The following ERN1 variants were observed in gnomAD, a reference collection of about 807,000 sequenced individuals.
ERN1 encodes the protein serine/threonine-protein kinase/endoribonuclease IRE1.
Under a neutral mutation model 113.1 loss-of-function variants are expected in ERN1, and 39 were observed. The ratio of observed to expected loss-of-function variants is 0.34; its 90% CI spans 0.27 to 0.45. ERN1 has a LOEUF of 0.45. Among genes scored for constraint, ERN1 ranks in the 20% least tolerant of loss-of-function variants. The pLI, the probability that ERN1 is intolerant of heterozygous loss-of-function variation, is 1.00. For missense variants in ERN1, 976 were observed against 1,274.8 expected (o/e 0.77, Z 3.57); for synonymous variants, 507 against 515.9 (o/e 0.98, Z 0.23).
intron 8 of ERN1, among the ~76,000 whole-genome samples, chr17:64,066,061 G>A (rs1018034384): frequency 6.6e-6 from 1 of 152,086 alleles, no homozygotes; most frequent in African/African-American, 2.4e-5. Flanking sequence ...TATAAAGTAG[G>A]AAACTGAGGC....
intron 1 of ERN1, among the ~76,000 whole-genome samples, chr17:64,099,170 A>G (rs1374870151): frequency 6.6e-6 from 1 of 152,268 alleles, no homozygotes; most frequent in Non-Finnish European, 1.5e-5. Context: ...TATCATTAAA[A>G]TAACACTTGG....
chr17:64,047,867 C>A lies in ERN1; in HGVS notation c.2520G>T (p.Gln840His), dbSNP rs1350325876. 30 of 1,609,946 alleles carry A rather than the reference C, an allele frequency of 1.9e-5. No individual in the cohort carries two copies. Among genetic ancestry groups the A allele is most frequent in the Non-Finnish European group, 2.5e-5 (29 of 1,177,456 alleles). The change falls in exon 19 of 22, where the codon CAG (glutamine) becomes CAT (histidine). Residue 840 changes from glutamine (Q) to histidine (H), a missense_variant. Transcript: ENST00000433197. ...GAACAGACGTCTCTACCTGGAAGAA[C>A]TGGAGCTGCTTCTCTAGGCTCCAGA... ...PFFWSLEKQL[Q>H]FFQDVSDRIE...
intron 2 of ERN1, among the ~76,000 whole-genome samples, chr17:64,087,093 C>A (rs767367914): frequency 3.0e-4 from 45 of 152,112 alleles, no homozygotes; most frequent in Non-Finnish European, 5.0e-4. Flanking sequence ...ATGTTGATTC[C>A]TAGGTTCTTC....
intron 1 of ERN1, among the ~76,000 whole-genome samples, chr17:64,122,209 C>T (rs1247729213): frequency 6.6e-6 from 1 of 152,172 alleles, no homozygotes; most frequent in Non-Finnish European, 1.5e-5. Context: ...GACAGGTTAC[C>T]AGCCCTTGCT....
At chr17:64,079,981 T>A (rs955755185) in intron 3 of ERN1, among the ~76,000 whole-genome samples, 1 of 152,188 alleles carries the variant, frequency 6.6e-6, no homozygotes, top group African/African-American at 2.4e-5. Context: ...GGAAAAATCA[T>A]ACAAAACCAT....
chr17:64,086,798 C>T (rs1049624350), intron 2 of ERN1, among the ~76,000 whole-genome samples: 4 of 151,942 alleles, frequency 2.6e-5, no homozygotes, highest in Admixed American at 2.6e-4. Flanking sequence ...AGGCGTGTGC[C>T]ACCACACCCA....
At chr17:64,068,849 A>G (rs779735219) in intron 6 of ERN1, among the ~76,000 whole-genome samples, 4 of 152,180 alleles carry the variant, frequency 2.6e-5, no homozygotes, top group Middle Eastern at 3.2e-3. Flanking sequence ...GAAGACAGAA[A>G]AAGTACCTAA....
chr17:64,071,832 A>G, intron 6 of ERN1, 149 bp downstream of exon 6: 2 of 790,058 alleles, frequency 2.5e-6, no homozygotes, highest in East Asian at 2.7e-5. Flanking sequence ...CTGGGGGGAC[A>G]CTGAAGGGTC....
chr17:64,070,685 C>T (rs187033895), intron 6 of ERN1, among the ~76,000 whole-genome samples: 1 of 152,304 alleles, frequency 6.6e-6, no homozygotes, highest in Non-Finnish European at 1.5e-5. Flanking sequence ...TTTTTCAAAT[C>T]CTTGGCTGCC....
At position 64,049,516 on chromosome 17, in the gene ERN1, A is replaced by T. The variant is rs1912617075; in HGVS notation, c.2254-314T>A. ...TAATATGCAAAAATGGTTGCTTACG[A>T]CAGTGCTTGGCCCATCAAAAGCCCT... On this transcript the variant is annotated intron_variant, in intron 17 of 21. Transcript: ENST00000433197. This position sits in a 1 kb window ranked among gnomAD's most constrained non-coding sequence, Gnocchi z 4.7. 6.6e-6 allele frequency among the ~76,000 whole-genome samples: 1 copy of T among 152,164 alleles called. No homozygotes were observed. Among genetic ancestry groups the T allele is most frequent in the African/African-American group, 2.4e-5 (1 of 41,424 alleles).
rs912579630 is a variant in ERN1 at position 64,099,922 on chromosome 17, G to C, written c.55-1681C>G. Among the ~76,000 whole-genome samples the C allele has an allele frequency of 2.0e-5, 3 of 152,186 alleles. No homozygotes were observed. The East Asian group carries it at 5.8e-4, about 29-fold the overall frequency. ...GGAATGGGAGAAAGGACAGTAAGCT[G>C]TGTTGCCACCTACCGAGTCTACTCT... On this transcript the variant is annotated intron_variant, in intron 1 of 21. Coordinates refer to ENST00000433197, the MANE Select transcript of ERN1 (RefSeq NM_001433.5).
At chr17:64,106,419 T>G (rs1394925012) in intron 1 of ERN1, among the ~76,000 whole-genome samples, 2 of 152,184 alleles carry the variant, frequency 1.3e-5, no homozygotes, top group Admixed American at 1.3e-4. Flanking sequence ...ATTATTAACC[T>G]TGGCAATCAT....
chr17:64,104,042 C>T (rs1914455349), intron 1 of ERN1, among the ~76,000 whole-genome samples: 1 of 150,700 alleles, frequency 6.6e-6, no homozygotes. Context: ...AGTTTCAGGC[C>T]AGCCTGTGCA....
intron 1 of ERN1, among the ~76,000 whole-genome samples, chr17:64,113,725 C>A (rs750438848): frequency 6.6e-6 from 1 of 152,028 alleles, no homozygotes; most frequent in African/African-American, 2.4e-5. Flanking sequence ...ACTCTGTCGC[C>A]CAGGCTGGAG....
chr17:64,129,985 GGGCAGCAGCAGCGTC>G lies in ERN1; in HGVS notation c.30_44del (p.Thr11_Pro15del), dbSNP rs1567892983. 2.1e-6 allele frequency: 3 copies of G among 1,449,516 alleles called. No homozygotes were observed. Among genetic ancestry groups the G allele is most frequent in the Non-Finnish European group, 2.7e-6 (3 of 1,106,784 alleles). The allele number at this position is 1,449,516 out of a possible 1,614,324, so 89.8% of individuals were successfully genotyped here. ...CTCCCCGGTCACTCACCCCGAGGCC[GGGCAGCAGCAGCGTC>G]AGCAGCAGCAGCAGCCGCCGGGCCG... On this transcript the variant is annotated inframe_deletion, in exon 1 of 22. Transcript: ENST00000433197.
chr17:64,107,054 G>A (rs555322240), intron 1 of ERN1, among the ~76,000 whole-genome samples: 101 of 152,188 alleles, frequency 6.6e-4, no homozygotes, highest in African/African-American at 2.0e-3. Flanking sequence ...GCAGAGTACC[G>A]CTTTCTAATA....
At chr17:64,082,241 C>T (rs758918535) in intron 2 of ERN1, among the ~76,000 whole-genome samples, 1 of 152,164 alleles carries the variant, frequency 6.6e-6, no homozygotes, top group South Asian at 2.1e-4. Flanking sequence ...ACAAACAACT[C>T]ACTAAACCAA....
At chr17:64,046,811 C>A (rs1016767183) in intron 19 of ERN1, among the ~76,000 whole-genome samples, 2 of 152,218 alleles carry the variant, frequency 1.3e-5, no homozygotes, top group Admixed American at 6.5e-5. Flanking sequence ...AAAAGCACTG[C>A]CCCACAAGCC....
intron 2 of ERN1, among the ~76,000 whole-genome samples, chr17:64,092,877 A>G (rs557313975): frequency 1.3e-5 from 2 of 152,256 alleles, no homozygotes; most frequent in East Asian, 3.8e-4. Flanking sequence ...CATTTCGTCT[A>G]AAAGTACAGA....
Sources: gnomAD v4.1 joint callset for allele counts (sites outside exome capture counted in the v4.1 genomes callset) on GRCh38, gnomAD v4.1.1 for gene constraint, Gnocchi (gnomAD v3.1) non-coding constraint, MANE v1.5 for transcripts, NCBI Gene and HGNC (gene_info 2026-07-23, HGNC 2026-07-21) for gene names.